Variants in C1GALT1 observed in about 807,000 individuals in gnomAD.
C1GALT1 encodes the protein glycoprotein-N-acetylgalactosamine 3-beta-galactosyltransferase 1.
A neutral mutation model predicts 31.0 loss-of-function variants in C1GALT1; 11 were observed. The observed-to-expected ratio is 0.36, with a 90% CI of 0.22 to 0.59. C1GALT1 has a LOEUF of 0.59. Among genes scored for constraint, C1GALT1 ranks in the 20% least tolerant of loss-of-function variants. The probability of loss-of-function intolerance (pLI) is 0.79; values close to 1 mark genes in which losing one functional copy is unlikely to be tolerated. For synonymous variants in C1GALT1, 175 were observed against 143.6 expected, an observed-to-expected ratio of 1.22 and a Z score of -1.56; for missense variants, 424 against 425.2, an observed-to-expected ratio of 1.00 and a Z score of 0.03.
At chr7:7,234,647 T>TA in intron 2 of C1GALT1, 108 bp downstream of exon 2, 1 of 759,718 alleles carries the variant, frequency 1.3e-6, no homozygotes, top group South Asian at 2.1e-5. Flanking sequence ...TTCCAGATAT[T>TA]AAAAATAATT....
chr7:7,184,771 C>T (rs911969296), intron 1 of C1GALT1, among the ~76,000 whole-genome samples: 1 of 152,174 alleles, frequency 6.6e-6, no homozygotes, highest in African/African-American at 2.4e-5. Flanking sequence ...GTTTAAGCTT[C>T]CCAATACAAC....
intron 1 of C1GALT1, among the ~76,000 whole-genome samples, chr7:7,206,626 C>T (rs916867890): frequency 7.4e-5 from 11 of 149,622 alleles, no homozygotes; most frequent in African/African-American, 2.0e-4. Context: ...CAGTTAGCCA[C>T]GATCGCGCCA....
intron 2 of C1GALT1, among the ~76,000 whole-genome samples, chr7:7,165,970 A>G (rs1780388343): frequency 6.6e-6 from 1 of 152,318 alleles, no homozygotes; most frequent in South Asian, 2.1e-4. Flanking sequence ...CATCCCAGAG[A>G]TATTTCATTA....
rs1395212887 is a variant in C1GALT1 at position 7,244,852 on chromosome 7, A to C, written c.*1125A>C. ...AAACAATAGAAAATGTAGAGTGCTT[A>C]AACAAAAATGTTATATTTTGAAAGA... On this transcript the variant is annotated 3_prime_UTR_variant, in exon 4 of 4. Transcript: ENST00000436587. 1 of 152,220 alleles carries C rather than the reference A, an allele frequency of 6.6e-6. No homozygotes were observed. Among genetic ancestry groups the C allele is most frequent in the Non-Finnish European group, 1.5e-5 (1 of 68,024 alleles). 9.4% of individuals were successfully genotyped at this position (152,220 alleles called of 1,614,324 possible).
At chr7:7,161,511 TAA>T (rs928789527) in intron 2 of C1GALT1, among the ~76,000 whole-genome samples, 2 of 152,164 alleles carry the variant, frequency 1.3e-5, no homozygotes, top group Admixed American at 6.6e-5. Context: ...CTTTTTATTA[TAA>T]GAGTTGCTGA....
chr7:7,168,312 T>G (rs1171737318), intron 2 of C1GALT1, among the ~76,000 whole-genome samples: 1 of 152,116 alleles, frequency 6.6e-6, no homozygotes, highest in East Asian at 1.9e-4. Flanking sequence ...AGACAACACT[T>G]CAGAAGCTGC....
At chr7:7,220,938 A>G (rs1782484115) in intron 1 of C1GALT1, among the ~76,000 whole-genome samples, 1 of 152,184 alleles carries the variant, frequency 6.6e-6, no homozygotes, top group South Asian at 2.1e-4. Flanking sequence ...ATGTTGTGCA[A>G]GTCCAGAACC....
At chr7:7,180,355 G>A (rs1419174444), upstream of C1GALT1, among the ~76,000 whole-genome samples, 1 of 152,188 alleles carries the variant, frequency 6.6e-6, no homozygotes, top group Non-Finnish European at 1.5e-5. Context: ...GCACAATTGT[G>A]CAAAAGCCTA....
chr7:7,163,468 C>A (rs1437731247), intron 2 of C1GALT1, among the ~76,000 whole-genome samples: 2 of 151,948 alleles, frequency 1.3e-5, no homozygotes, highest in Non-Finnish European at 2.9e-5. Context: ...CTGGCCAGGG[C>A]AATTAGGCAG....
At position 7,244,350 on chromosome 7, in the gene C1GALT1, A is replaced by G. The variant is rs573048938; in HGVS notation, c.*623A>G. The G allele has an allele frequency of 7.2e-5, 11 of 152,280 alleles. No individual in the cohort carries two copies. Among genetic ancestry groups the G allele is most frequent in the African/African-American group, 2.6e-4 (11 of 41,556 alleles). The allele number at this position is 152,280 out of a possible 1,614,324, so 9.4% of individuals were successfully genotyped here. On this transcript the variant is annotated 3_prime_UTR_variant, in exon 4 of 4. Coordinates refer to ENST00000436587, the MANE Select transcript of C1GALT1 (RefSeq NM_020156.5). ...ATTAATAAAACCACACTTTAAAATT[A>G]TCATGGGCCTTGACTATATTATATA...
chr7:7,212,987 G>C (rs148787941), intron 1 of C1GALT1, among the ~76,000 whole-genome samples: 112 of 152,246 alleles, frequency 7.4e-4, no homozygotes, highest in African/African-American at 2.7e-3. Flanking sequence ...GTCATAAATA[G>C]TTTAGAATAA....
At chr7:7,182,028 T>C (rs1326580260), upstream of C1GALT1, among the ~76,000 whole-genome samples, 1 of 152,166 alleles carries the variant, frequency 6.6e-6, no homozygotes, top group Admixed American at 6.5e-5. Flanking sequence ...CTTTCTGGTA[T>C]CATTATCTCG....
chr7:7,176,676 T>C (rs1035238174), intron 2 of C1GALT1, among the ~76,000 whole-genome samples: 1 of 152,248 alleles, frequency 6.6e-6, no homozygotes, highest in Non-Finnish European at 1.5e-5. Context: ...CCTAGACTTT[T>C]TTTCTTTATT....
intron 1 of C1GALT1, among the ~76,000 whole-genome samples, chr7:7,208,784 A>G (rs959322611): frequency 6.6e-6 from 1 of 152,210 alleles, no homozygotes; most frequent in Admixed American, 6.5e-5. Flanking sequence ...ACAGCTACAT[A>G]TAAGCTGCTC....
chr7:7,161,444 G>T (rs1363067447), intron 2 of C1GALT1, among the ~76,000 whole-genome samples: 1 of 152,076 alleles, frequency 6.6e-6, no homozygotes, highest in Non-Finnish European at 1.5e-5. Context: ...AAAAAATGTG[G>T]CAATAAATGA....
At position 7,246,889 on chromosome 7, in the gene C1GALT1, T is replaced by G. The variant is rs1235569491; in HGVS notation, c.*3162T>G. 6.6e-6 allele frequency: 1 copy of G among 152,180 alleles called. No homozygotes were observed. The highest frequency in any genetic ancestry group is 1.5e-5 in the Non-Finnish European group (1 of 68,030). The allele number at this position is 152,180 out of a possible 1,614,324, so 9.4% of individuals were successfully genotyped here. ...GATCACACTATATTAAATATAAAGATAACTTAAAGGATCATTGGATCATTC... is the reference window on the plus strand; with the variant it reads ...GATCACACTATATTAAATATAAAGAGAACTTAAAGGATCATTGGATCATTC... On this transcript the variant is annotated 3_prime_UTR_variant, in exon 4 of 4. Transcript: ENST00000436587.
At chr7:7,230,292 A>G (rs1783008095) in intron 1 of C1GALT1, among the ~76,000 whole-genome samples, 1 of 152,230 alleles carries the variant, frequency 6.6e-6, no homozygotes, top group Non-Finnish European at 1.5e-5. Flanking sequence ...AAAAGTATGT[A>G]AAATCATAAA....
intron 1 of C1GALT1, among the ~76,000 whole-genome samples, chr7:7,218,036 G>T (rs1306916988): frequency 6.6e-6 from 1 of 152,070 alleles, no homozygotes; most frequent in East Asian, 1.9e-4. Context: ...ATATAGTAAA[G>T]GTGTAAATGA....
intron 1 of C1GALT1, among the ~76,000 whole-genome samples, chr7:7,214,523 CCT>C (rs916047018): frequency 2.6e-5 from 4 of 152,116 alleles, no homozygotes; most frequent in African/African-American, 4.8e-5. Context: ...TTTTAAATCC[CCT>C]GTTACTTGAC....
Sources: gnomAD v4.1 joint callset for allele counts (sites outside exome capture counted in the v4.1 genomes callset) on GRCh38, gnomAD v4.1.1 for gene constraint, MANE v1.5 for transcripts, NCBI Gene and HGNC (gene_info 2026-07-23, HGNC 2026-07-21) for gene names.